The following LPIN2 variants were observed in gnomAD, a reference collection of about 807,000 sequenced individuals.
LPIN2 encodes the protein lipin 2, also known as phosphatidate phosphatase LPIN2.
Under a neutral mutation model 111.4 loss-of-function variants are expected in LPIN2, and 55 were observed. That is an observed-to-expected ratio of 0.49 (90% CI 0.40 to 0.62). LPIN2 has a LOEUF of 0.62. Ranked by LOEUF, LPIN2 falls within the 20% of genes least tolerant of loss-of-function variation. The pLI is 0.00. For missense variants in LPIN2, 992 were observed against 1,112.1 expected, an observed-to-expected ratio of 0.89 and a Z score of 1.54; for synonymous variants, 425 against 414.0, an observed-to-expected ratio of 1.03 and a Z score of -0.32.
At chr18:2,980,464 C>G (rs1274129281) in intron 1 of LPIN2, among the ~76,000 whole-genome samples, 1 of 152,200 alleles carries the variant, frequency 6.6e-6, no homozygotes, top group Non-Finnish European at 1.5e-5. Context: ...TCAGCCCCAC[C>G]CCAAATCCTG....
chr18:2,999,790 A>G (rs1407520426), intron 1 of LPIN2, among the ~76,000 whole-genome samples: 1 of 152,148 alleles, frequency 6.6e-6, no homozygotes, highest in Non-Finnish European at 1.5e-5. Context: ...AGAATGAGAA[A>G]GCGCTCTTGG....
intron 1 of LPIN2, among the ~76,000 whole-genome samples, chr18:3,006,734 G>A (rs1260040868): frequency 1.3e-5 from 2 of 152,182 alleles, no homozygotes; most frequent in African/African-American, 4.8e-5. Context: ...CTACTCAGGA[G>A]GCTGAGGCAG....
At chr18:2,950,063 T>C (rs979046510) in intron 4 of LPIN2, among the ~76,000 whole-genome samples, 2 of 152,208 alleles carry the variant, frequency 1.3e-5, no homozygotes, top group African/African-American at 4.8e-5. Context: ...ATTGCACCAC[T>C]GCACTCCAGC....
chr18:2,981,321 T>C (rs1318269935), intron 1 of LPIN2, among the ~76,000 whole-genome samples: 1 of 152,230 alleles, frequency 6.6e-6, no homozygotes, highest in Non-Finnish European at 1.5e-5. Flanking sequence ...TATCAGATCC[T>C]TATCCCAAAC....
intron 1 of LPIN2, chr18:2,991,109 A>G: frequency 2.2e-6 from 1 of 464,598 alleles, no homozygotes; most frequent in Non-Finnish European, 4.2e-6. Flanking sequence ...TCCCTATATC[A>G]GTTTTATATT....
chr18:2,985,841 C>T (rs2078179369), intron 1 of LPIN2, among the ~76,000 whole-genome samples: 1 of 152,152 alleles, frequency 6.6e-6, no homozygotes, highest in Non-Finnish European at 1.5e-5. Context: ...TATGGAAACA[C>T]AACACCTTGC....
intron 1 of LPIN2, among the ~76,000 whole-genome samples, chr18:2,986,659 C>T (rs1267153495): frequency 6.6e-6 from 1 of 152,062 alleles, no homozygotes; most frequent in Non-Finnish European, 1.5e-5. Context: ...GTACACATCG[C>T]AGTTTAAGGA....
chr18:2,935,796 A>G (rs937776865), intron 7 of LPIN2, among the ~76,000 whole-genome samples: 9 of 152,046 alleles, frequency 5.9e-5, no homozygotes, highest in African/African-American at 1.9e-4. Flanking sequence ...ATGAATGGAG[A>G]GATGTAGGGA....
At position 2,920,730 on chromosome 18, in the gene LPIN2, G is replaced by A. The variant is rs766724884; in HGVS notation, c.2546+48C>T. On this transcript the variant is annotated intron_variant, in intron 19 of 19. Transcript: ENST00000677752. The stretch of plus-strand genomic sequence containing the variant: ...GGACAGGGTCTGTCTGTCCCCAACT[G>A]TACCCCTGGCTGCAGGGCGCCGGGC... The A allele has an allele frequency of 2.8e-6, 4 of 1,407,296 alleles. No homozygotes were observed. In the South Asian group the frequency reaches 4.6e-5, roughly 16 times the overall value. The allele number at this position is 1,407,296 out of a possible 1,614,324, so 87.2% of individuals were successfully genotyped here.
At chr18:2,921,348 C>T (rs1407886935) in intron 18 of LPIN2, 185 bp downstream of exon 18, 3 of 641,754 alleles carry the variant, frequency 4.7e-6, no homozygotes, top group African/African-American at 1.8e-5. Flanking sequence ...GGCAGATCTG[C>T]ACCTGCAGGA....
intron 4 of LPIN2, among the ~76,000 whole-genome samples, chr18:2,944,333 C>CTTTTTTTTTTTTTTT (rs768515839): frequency 3.9e-5 from 2 of 51,350 alleles, no homozygotes; most frequent in African/African-American, 1.3e-4. Flanking sequence ...TTTCCACAAA[C>CTTTTTTTTTTTTTTT]TTTTTTTTTT....
At position 2,918,639 on chromosome 18, in the gene LPIN2, A is replaced by G. The variant is rs2077004902; in HGVS notation, c.*1654T>C. The G allele has an allele frequency of 6.6e-6, 1 of 152,212 alleles. No homozygotes were observed. Among genetic ancestry groups the G allele is most frequent in the Non-Finnish European group, 1.5e-5 (1 of 68,034 alleles). The allele number at this position is 152,212 out of a possible 1,614,324, so 9.4% of individuals were successfully genotyped here. A position where few individuals can be genotyped will look rare whatever the true frequency, so the allele number is the denominator to read the frequency against. On this transcript the variant is annotated 3_prime_UTR_variant, in exon 20 of 20. Coordinates refer to ENST00000677752, the MANE Select transcript of LPIN2 (RefSeq NM_001375808.2). ...AGGCTCATGTGGTCCCTTCTCTGGG[A>G]ACATGAGCCTTCCTAGGTTTTGCCA...
In LPIN2 at chr18:2,937,992, T is replaced by C. The variant is rs534179898; in HGVS notation, c.868A>G (p.Ile290Val). ...RSDHHPRTAT[I>V]TPSENTHFRV... The stretch of plus-strand genomic sequence containing the variant: ...AAATGAGTATTTTCTGATGGTGTAA[T>C]TGTAGCTGTCCTAGGATGATGGTCA... The change falls in exon 7 of 20, where the codon ATT (isoleucine) becomes GTT (valine). Residue 290 changes from isoleucine (I) to valine (V), a missense_variant. Physicochemically the swap from Ile to Val is conservative, Grantham distance 29. Coordinates refer to ENST00000677752, the MANE Select transcript of LPIN2 (RefSeq NM_001375808.2). The C allele has an allele frequency of 7.4e-6, 12 of 1,614,204 alleles. No individual in the cohort carries two copies. The South Asian group carries it at 9.9e-5, about 13-fold the overall frequency.
chr18:2,998,790 G>GA (rs1048650013), intron 1 of LPIN2, among the ~76,000 whole-genome samples: 2 of 152,124 alleles, frequency 1.3e-5, no homozygotes, highest in African/African-American at 4.8e-5. Flanking sequence ...ACATGTTCAC[G>GA]AAACTATGCC....
At chr18:2,931,522 G>T in intron 8 of LPIN2, 79 bp from the exon 9 acceptor site, 1 of 1,405,022 alleles carries the variant, frequency 7.1e-7, no homozygotes, top group Non-Finnish European at 9.7e-7. Flanking sequence ...TTCTCTGGGG[G>T]CTCAAACCAA....
chr18:2,958,172 A>AAAAC (rs2077650683), intron 2 of LPIN2, among the ~76,000 whole-genome samples: 1 of 145,250 alleles, frequency 6.9e-6, no homozygotes, highest in African/African-American at 2.5e-5. Context: ...AAAAAAAAAA[A>AAAAC]ACAGAAAAAA....
chr18:2,946,086 C>A, intron 4 of LPIN2: 2 of 1,537,774 alleles, frequency 1.3e-6, no homozygotes, highest in Non-Finnish European at 1.8e-6. Context: ...AGGTCCCAAT[C>A]TTAATTTCAT....
chr18:2,937,963 C>G lies in LPIN2; in HGVS notation c.897G>C (p.Arg299=). Residue 299 remains arginine (R), a synonymous_variant, in exon 7 of 20, where the codon CGG becomes CGC. Coordinates refer to ENST00000677752, the MANE Select transcript of LPIN2 (RefSeq NM_001375808.2). The part of the protein sequence containing the change: ...TITPSENTHF[R]VIPSEDNLIS... ...TGAGGTTGTCCTCACTGGGAATTAC[C>G]CGAAAATGAGTATTTTCTGATGGTG... The G allele has an allele frequency of 2.5e-6, 4 of 1,614,098 alleles. No individual in the cohort carries two copies. The highest frequency in any genetic ancestry group is 3.4e-6 in the Non-Finnish European group (4 of 1,180,018).
intron 1 of LPIN2, among the ~76,000 whole-genome samples, chr18:3,007,180 A>G (rs554779307): frequency 3.0e-4 from 45 of 152,140 alleles, no homozygotes; most frequent in African/African-American, 1.0e-3. Context: ...ATTTTTATTT[A>G]TCTTTTTTGA....
Sources: gnomAD v4.1 joint callset for allele counts (sites outside exome capture counted in the v4.1 genomes callset) on GRCh38, gnomAD v4.1.1 for gene constraint, MANE v1.5 for transcripts, NCBI Gene and HGNC (gene_info 2026-07-23, HGNC 2026-07-21) for gene names.